The following CTR9 variants were observed in gnomAD, a reference collection of about 807,000 sequenced individuals.
CTR9 encodes CTR9 component of Paf1/RNA polymerase II complex.
In CTR9, 41 loss-of-function variants were observed where a neutral mutation model predicts 152.1. That is an observed-to-expected ratio of 0.27 (90% CI 0.21 to 0.35). CTR9 has a LOEUF of 0.35. Ranked by LOEUF, CTR9 falls within the 10% of genes least tolerant of loss-of-function variation. CTR9 has a pLI of 1.00. For synonymous variants in CTR9, 476 were observed against 496.2 expected (o/e 0.96, Z 0.54); for missense variants, 917 against 1,424.4 (o/e 0.64, Z 5.73).
intron 24 of CTR9, 152 bp downstream of exon 24, chr11:10,775,785 A>G: frequency 1.9e-6 from 1 of 515,114 alleles, no homozygotes; most frequent in South Asian, 3.2e-5. Flanking sequence ...AAATTGGAGG[A>G]AATAGATAAC....
At position 10,767,820 on chromosome 11, in the gene CTR9, T is replaced by G. The variant is rs1301087574; in HGVS notation, c.1701T>G (p.Ala567=). ...GTATGTTTCAGGATCATCCAGATGC[T>G]TGGTCTTTGATTGGCAATCTTCATT... The part of the protein sequence containing the change: ...ALQINQDHPD[A]WSLIGNLHLA... Residue 567 remains alanine, a synonymous_variant, in exon 14 of 25, where the codon GCT becomes GCG. Transcript: ENST00000361367. This position sits in a 1 kb window ranked among gnomAD's most constrained non-coding sequence, Gnocchi z 4.0. 6.2e-7 allele frequency: 1 copy of G among 1,614,102 alleles called. No homozygotes were observed. The highest frequency in any genetic ancestry group is 1.1e-5 in the South Asian group (1 of 91,074).
At position 10,755,105 on chromosome 11, in the gene CTR9, C is replaced by T. The variant is rs369118804; in HGVS notation, c.292C>T (p.Arg98Trp). 1.2e-6 allele frequency: 2 copies of T among 1,613,800 alleles called. No homozygotes were observed. ...TLAAYYVQQA[R>W]KEKNKDNKKD... The stretch of plus-strand genomic sequence containing the variant: ...GGCAGCGTATTATGTACAACAGGCT[C>T]GGAAAGAAAAGAATAAGGACAATAA... The change falls in exon 3 of 25, where the codon CGG becomes TGG. Residue 98 changes from arginine (R) to tryptophan (W), a missense_variant. Coordinates refer to ENST00000361367, the MANE Select transcript of CTR9 (RefSeq NM_014633.5).
chr11:10,775,586 A>C lies in CTR9; in HGVS notation c.3048A>C (p.Ser1016=), dbSNP rs1863219386. ...TAAAATCCAAAGCCATAATTTCATC[A>C]AGTGATGACTCTTCGGATGAGGATA... ...GKIKSKAIIS[S]SDDSSDEDKL... is the part of the protein sequence containing the mutation. Residue 1016 remains serine, a synonymous_variant, in exon 24 of 25, where the codon TCA becomes TCC. Transcript: ENST00000361367. 6.2e-7 allele frequency: 1 copy of C among 1,613,678 alleles called. No homozygotes were observed. Among genetic ancestry groups the C allele is most frequent in the Non-Finnish European group, 8.5e-7 (1 of 1,179,754 alleles).
chr11:10,763,552 T>G lies in CTR9; in HGVS notation c.957+14T>G. On this transcript the variant is annotated intron_variant, in intron 8 of 24. Transcript: ENST00000361367. ...TTCCATGTTCAGGTAATTTTATAAC[T>G]TCTCTAAATGTCTAATCTTTTTACT... The G allele has an allele frequency of 1.3e-6, 2 of 1,585,426 alleles. No homozygotes were observed. Among genetic ancestry groups the G allele is most frequent in the South Asian group, 2.3e-5 (2 of 87,270 alleles).
intron 4 of CTR9, 150 bp from the exon 5 acceptor site, chr11:10,756,599 T>G (rs890261336): frequency 8.9e-5 from 48 of 539,910 alleles, no homozygotes; most frequent in African/African-American, 8.2e-4. Context: ...TATACTTTTA[T>G]GAAAAACAAA....
In CTR9 at chr11:10,779,242, T is replaced by C. The variant is rs1029400496; in HGVS notation, c.*137T>C. 2.5e-6 allele frequency: 2 copies of C among 795,952 alleles called. No individual in the cohort carries two copies. The highest frequency in any genetic ancestry group is 1.9e-6 in the Non-Finnish European group (1 of 517,536). The allele number at this position is 795,952 out of a possible 1,614,324, so 49.3% of individuals were successfully genotyped here. A position where few individuals can be genotyped will look rare whatever the true frequency, so the allele number is the denominator to read the frequency against. Reference sequence around the variant, plus strand: ...TTTTCTTTTCTATCAGTTTGTATATTACTAAGCCCCAAGAGACATTTCCTG... The same window carrying C: ...TTTTCTTTTCTATCAGTTTGTATATCACTAAGCCCCAAGAGACATTTCCTG... On this transcript the variant is annotated 3_prime_UTR_variant, in exon 25 of 25. Coordinates refer to ENST00000361367, the MANE Select transcript of CTR9 (RefSeq NM_014633.5).
intron 20 of CTR9, 120 bp from the exon 21 acceptor site, chr11:10,773,007 A>G: frequency 1.7e-6 from 2 of 1,159,514 alleles, no homozygotes; most frequent in Admixed American, 2.4e-5. Context: ...AGTCTAGGCA[A>G]CAGAGTGAGA....
Position 10,770,520 on chromosome 11 carries a change from A to T in CTR9, c.2260A>T (p.Met754Leu). Reference protein sequence around the residue: ...RHVAPSDTVLMFNVALVLQRL... With the variant: ...RHVAPSDTVLLFNVALVLQRL... Reference sequence around the variant, plus strand: ...TGTGGCACCCAGTGATACAGTTCTTATGTTTAATGTGGCCTTGGTCCTGCA... The same window carrying T: ...TGTGGCACCCAGTGATACAGTTCTTTTGTTTAATGTGGCCTTGGTCCTGCA... The change falls in exon 18 of 25, where the codon ATG becomes TTG. Residue 754 changes from methionine to leucine, a missense_variant. This residue lies in a region of CTR9 where 106 missense variants were observed against 157.8 expected (regional missense o/e 0.67). Coordinates refer to ENST00000361367, the MANE Select transcript of CTR9 (RefSeq NM_014633.5). 1.2e-6 allele frequency: 2 copies of T among 1,613,940 alleles called. No individual in the cohort carries two copies. Among genetic ancestry groups the T allele is most frequent in the Non-Finnish European group, 1.7e-6 (2 of 1,179,940 alleles).
intron 12 of CTR9, among the ~76,000 whole-genome samples, chr11:10,765,157 G>A (rs1218495838): frequency 3.3e-5 from 5 of 152,034 alleles, no homozygotes; most frequent in Non-Finnish European, 5.9e-5. Context: ...CAACCTATAC[G>A]TTATAAAATA....
In CTR9 at chr11:10,779,335, C is replaced by A; in HGVS notation, c.*230C>A. ...TTCTTTGTGGTACAATTCCACCTATCATATGTGAAAACTGCAGTAAAAATA... is the reference window on the plus strand; with the variant it reads ...TTCTTTGTGGTACAATTCCACCTATAATATGTGAAAACTGCAGTAAAAATA... On this transcript the variant is annotated 3_prime_UTR_variant, in exon 25 of 25. Coordinates refer to ENST00000361367, the MANE Select transcript of CTR9 (RefSeq NM_014633.5). 2.2e-6 allele frequency: 1 copy of A among 462,468 alleles called. No homozygotes were observed. 28.6% of individuals were successfully genotyped at this position (462,468 alleles called of 1,614,324 possible). A position where few individuals can be genotyped will look rare whatever the true frequency, so the allele number is the denominator to read the frequency against.
At position 10,756,734 on chromosome 11, in the gene CTR9, T is replaced by A. The variant is rs776605267; in HGVS notation, c.503-15T>A. The A allele has an allele frequency of 2.5e-6, 4 of 1,589,842 alleles. No individual in the cohort carries two copies. In the Admixed American group the frequency reaches 5.3e-5, roughly 21 times the overall value. On this transcript the variant is annotated splice_polypyrimidine_tract_variant and intron_variant, in intron 4 of 24. Coordinates refer to ENST00000361367, the MANE Select transcript of CTR9 (RefSeq NM_014633.5). ...TTTAATCAGACACTGTGTTTATTTT[T>A]AAAAATCATTACAGGTAAAGCTTGC... is the stretch of plus-strand genomic sequence containing the variant.
intron 24 of CTR9, among the ~76,000 whole-genome samples, chr11:10,777,577 T>C (rs188566423): frequency 6.6e-6 from 1 of 152,286 alleles, no homozygotes; most frequent in East Asian, 1.9e-4. Flanking sequence ...GACTGAGCAC[T>C]ATTAAATGTG....
intron 3 of CTR9, among the ~76,000 whole-genome samples, chr11:10,755,413 T>G (rs1862869748): frequency 6.6e-6 from 1 of 152,256 alleles, no homozygotes. Flanking sequence ...CTTGCTCCAG[T>G]AATTTTATTA....
chr11:10,751,322 G>A lies in CTR9; in HGVS notation c.-91G>A, dbSNP rs1396857930. On this transcript the variant is annotated 5_prime_UTR_variant, in exon 1 of 25. Coordinates refer to ENST00000361367, the MANE Select transcript of CTR9 (RefSeq NM_014633.5). The stretch of plus-strand genomic sequence containing the variant: ...GGGGCGGCAGTCAAGACCAGAGCCG[G>A]AGCCGTCACTCACCTCTGGATTAGC... 8.0e-6 allele frequency: 11 copies of A among 1,379,250 alleles called. No homozygotes were observed. In the African/African-American group the frequency reaches 1.4e-4, roughly 18 times the overall value. 85.4% of individuals were successfully genotyped at this position (1,379,250 alleles called of 1,614,324 possible).
At chr11:10,773,934 C>T in intron 21 of CTR9, 78 bp from the exon 22 acceptor site, 2 of 889,646 alleles carry the variant, frequency 2.2e-6, no homozygotes, top group Non-Finnish European at 3.4e-6. Context: ...ATGGATATGG[C>T]CCCTTTCTGT....
chr11:10,757,286 AGGGG>A (rs1391488085), intron 5 of CTR9, among the ~76,000 whole-genome samples: 1 of 151,684 alleles, frequency 6.6e-6, no homozygotes, highest in East Asian at 1.9e-4. Flanking sequence ...CCTTGTCTCA[AGGGG>A]AAAAAAAAAT....
At chr11:10,753,699 A>G (rs1862840553) in intron 2 of CTR9, among the ~76,000 whole-genome samples, 1 of 148,482 alleles carries the variant, frequency 6.7e-6, no homozygotes, top group African/African-American at 2.4e-5. Flanking sequence ...TATTATATAT[A>G]TATATATTTT....
chr11:10,777,338 C>T (rs1304075173), intron 24 of CTR9, among the ~76,000 whole-genome samples: 1 of 151,962 alleles, frequency 6.6e-6, no homozygotes, highest in Admixed American at 6.6e-5. Flanking sequence ...TTGAGACTAG[C>T]CTGGGCAGCA....
chr11:10,766,331 A>G, intron 12 of CTR9, 71 bp from the exon 13 acceptor site: 2 of 1,240,266 alleles, frequency 1.6e-6, no homozygotes, highest in Middle Eastern at 1.9e-4. Context: ...TTGTTTCAAA[A>G]GTATGACTTT....
Sources: gnomAD v4.1 joint callset for allele counts (sites outside exome capture counted in the v4.1 genomes callset) on GRCh38, gnomAD v4.1.1 for gene constraint, gnomAD v4.1.1 regional missense constraint, Gnocchi (gnomAD v3.1) non-coding constraint, MANE v1.5 for transcripts, NCBI Gene and HGNC (gene_info 2026-07-23, HGNC 2026-07-21) for gene names.